Variants in ZBTB20 observed in about 807,000 individuals in gnomAD.
ZBTB20 encodes the protein zinc finger and BTB domain-containing protein 20.
In ZBTB20, 9 loss-of-function variants were observed where a neutral mutation model predicts 56.9. The ratio of observed to expected loss-of-function variants is 0.16; its 90% confidence interval spans 0.10 to 0.28. The LOEUF is 0.28. ZBTB20 is among the 10% of genes least tolerant of loss of function. The pLI is 1.00. For synonymous variants in ZBTB20, 417 were observed against 420.7 expected (o/e 0.99, Z 0.11); for missense variants, 655 against 1,003.0 (o/e 0.65, Z 4.69).
chr3:114,528,049 A>G (rs959166187), intron 6 of ZBTB20, among the ~76,000 whole-genome samples: 1 of 151,014 alleles, frequency 6.6e-6, no homozygotes, highest in Admixed American at 6.6e-5. Context: ...CACTACATGG[A>G]CAATGCCTAC....
chr3:114,902,591 T>C (rs1210017969), intron 3 of ZBTB20, among the ~76,000 whole-genome samples: 2 of 152,214 alleles, frequency 1.3e-5, no homozygotes, highest in African/African-American at 4.8e-5. Context: ...GTATCACTTA[T>C]TAATGCACTA....
intron 4 of ZBTB20, among the ~76,000 whole-genome samples, chr3:114,840,913 C>G (rs1363994403): frequency 2.0e-5 from 3 of 152,034 alleles, no homozygotes; most frequent in African/African-American, 7.2e-5. Context: ...ATCTTTCTTA[C>G]TTTTCTAGCA....
At chr3:114,584,111 TTTG>T (rs1380294228) in intron 6 of ZBTB20, among the ~76,000 whole-genome samples, 1 of 152,186 alleles carries the variant, frequency 6.6e-6, no homozygotes, top group Non-Finnish European at 1.5e-5. Flanking sequence ...TCTTCTTTCC[TTTG>T]TTAATTTCCT....
Position 115,110,447 on chromosome 3 carries a change from A to C in ZBTB20, c.-703+36772T>G, listed in dbSNP as rs369321084. ...TTTAAAAAATGTATAAGGTCAGATC[A>C]AAAGTTTTTATAACATAATCTACAT... is the stretch of plus-strand genomic sequence containing the variant. On this transcript the variant is annotated intron_variant, in intron 1 of 11. Transcript: ENST00000675478. Among the ~76,000 whole-genome samples, 6 of 152,358 alleles carry C rather than the reference A, an allele frequency of 3.9e-5. No homozygotes were observed. The East Asian group carries it at 9.6e-4, about 24-fold the overall frequency.
chr3:114,989,751 ATTTG>A (rs956062532), intron 2 of ZBTB20, among the ~76,000 whole-genome samples: 1 of 152,210 alleles, frequency 6.6e-6, no homozygotes, highest in Non-Finnish European at 1.5e-5. Flanking sequence ...ATGTTCTTCC[ATTTG>A]TTTGTGTCCT....
intron 10 of ZBTB20, among the ~76,000 whole-genome samples, chr3:114,352,657 G>A (rs2080799133): frequency 1.3e-5 from 2 of 152,228 alleles, no homozygotes; most frequent in African/African-American, 4.8e-5. Flanking sequence ...CATGTGATAT[G>A]GAAGGTTTTC....
At chr3:114,362,504 C>T (rs747345404) in intron 10 of ZBTB20, among the ~76,000 whole-genome samples, 4 of 152,178 alleles carry the variant, frequency 2.6e-5, no homozygotes, top group Non-Finnish European at 5.9e-5. Flanking sequence ...CCTGACAGGG[C>T]TTTTTTGCCC....
chr3:114,922,056 A>G (rs1264021479), intron 3 of ZBTB20, among the ~76,000 whole-genome samples: 2 of 152,188 alleles, frequency 1.3e-5, no homozygotes, highest in Non-Finnish European at 2.9e-5. Flanking sequence ...AACATACACA[A>G]ATCAATAAAT....
At chr3:115,051,864 T>TA (rs2081563696) in intron 2 of ZBTB20, among the ~76,000 whole-genome samples, 1 of 151,852 alleles carries the variant, frequency 6.6e-6, no homozygotes, top group Non-Finnish European at 1.5e-5. Flanking sequence ...TCAGAAAACT[T>TA]AAAGGTGAAG....
intron 1 of ZBTB20, among the ~76,000 whole-genome samples, chr3:115,134,772 T>C (rs1028765132): frequency 6.6e-6 from 1 of 152,230 alleles, no homozygotes; most frequent in African/African-American, 2.4e-5. Flanking sequence ...ATGGGTCTCC[T>C]TAAATGAATT....
At chr3:114,382,048 C>G (rs1359500429) in intron 8 of ZBTB20, among the ~76,000 whole-genome samples, 1 of 152,206 alleles carries the variant, frequency 6.6e-6, no homozygotes, top group African/African-American at 2.4e-5. Context: ...TAAAGCCCAA[C>G]TCCTTTATTA....
At chr3:114,974,070 A>AT (rs1280153949) in intron 3 of ZBTB20, among the ~76,000 whole-genome samples, 1 of 151,948 alleles carries the variant, frequency 6.6e-6, no homozygotes, top group Non-Finnish European at 1.5e-5. Flanking sequence ...AGTTAAAAAA[A>AT]AAAAAAAAAA....
chr3:114,335,463 AATTG>A lies in ZBTB20; in HGVS notation c.*3538_*3541del, dbSNP rs2079421576. On this transcript the variant is annotated 3_prime_UTR_variant, in exon 12 of 12. Coordinates refer to ENST00000675478, the MANE Select transcript of ZBTB20 (RefSeq NM_001348800.3). ...TGTGATTGTTTAACTTAAAAGTGAG[AATTG>A]ACAATCTAAAAGCATCTCTATCCTT... The A allele has an allele frequency of 6.6e-6, 1 of 152,234 alleles. No individual in the cohort carries two copies. Among genetic ancestry groups the A allele is most frequent in the Non-Finnish European group, 1.5e-5 (1 of 68,032 alleles). 9.4% of individuals were successfully genotyped at this position (152,234 alleles called of 1,614,324 possible).
intron 3 of ZBTB20, among the ~76,000 whole-genome samples, chr3:114,919,462 C>G (rs1478502356): frequency 2.0e-5 from 3 of 152,094 alleles, no homozygotes; most frequent in Non-Finnish European, 2.9e-5. Flanking sequence ...AATCCCAGCA[C>G]TTTGGGAGGC....
In ZBTB20 at chr3:114,339,101, C is replaced by T. The variant is rs368883213; in HGVS notation, c.2130G>A (p.Thr710=). Reference sequence around the variant, plus strand: ...CGGAGCAGACGTAAGTGGTCCCCTCCGTGCAGGCCACCACGCCTGGGGGGC... The same window carrying T: ...CGGAGCAGACGTAAGTGGTCCCCTCTGTGCAGGCCACCACGCCTGGGGGGC... The part of the protein sequence containing the change: ...RAGPPGVVAC[T]EGTTYVCSVC... Residue 710 remains threonine, a synonymous_variant, in exon 12 of 12, where the codon ACG becomes ACA. Coordinates refer to ENST00000675478, the MANE Select transcript of ZBTB20 (RefSeq NM_001348800.3). This position sits in a 1 kb window ranked among gnomAD's most constrained non-coding sequence, Gnocchi z 4.2. The T allele has an allele frequency of 3.1e-5, 50 of 1,600,254 alleles. No homozygotes were observed. The highest frequency in any genetic ancestry group is 3.8e-5 in the Non-Finnish European group (45 of 1,172,084).
chr3:115,077,103 G>A (rs1021633065), intron 1 of ZBTB20, among the ~76,000 whole-genome samples: 6 of 152,164 alleles, frequency 3.9e-5, no homozygotes, highest in Admixed American at 2.0e-4. Flanking sequence ...AGCCTGGGGC[G>A]TGGCGAGCAG....
intron 7 of ZBTB20, among the ~76,000 whole-genome samples, chr3:114,428,904 C>A (rs2089913304): frequency 6.6e-6 from 1 of 152,066 alleles, no homozygotes; most frequent in South Asian, 2.1e-4. Flanking sequence ...GCAATTCTAG[C>A]AGTAATGAAT....
chr3:114,495,733 A>AAATGAGGAG (rs1257952657), intron 7 of ZBTB20, among the ~76,000 whole-genome samples: 5 of 152,240 alleles, frequency 3.3e-5, no homozygotes, highest in Admixed American at 1.3e-4. Context: ...CTAGGAAAAG[A>AAATGAGGAG]AATGAGGAGG....
intron 1 of ZBTB20, among the ~76,000 whole-genome samples, chr3:115,096,072 G>A (rs1236405533): frequency 1.3e-5 from 2 of 152,154 alleles, no homozygotes; most frequent in African/African-American, 4.8e-5. Flanking sequence ...AAATGTAAAT[G>A]CTGACTGTAT....
Sources: allele counts gnomAD v4.1 joint callset (sites outside exome capture counted in the v4.1 genomes callset), GRCh38; gene constraint gnomAD v4.1.1; non-coding constraint Gnocchi (gnomAD v3.1); transcripts MANE v1.5; gene names NCBI Gene and HGNC (gene_info 2026-07-23, HGNC 2026-07-21).